The following CNTN5 variants were observed in gnomAD, a reference collection of about 807,000 sequenced individuals.
The protein encoded by CNTN5 is contactin 5, also known as contactin-5.
CNTN5 carries 77 observed loss-of-function variants against 129.1 expected under a neutral mutation model. The observed-to-expected ratio is 0.60, with a 90% CI of 0.50 to 0.72. The LOEUF is 0.72. CNTN5 is among the 30% of genes least tolerant of loss of function. The pLI is 0.00. For missense variants in CNTN5, 1,478 were observed against 1,328.8 expected (o/e 1.11, Z -1.75); for synonymous variants, 509 against 465.6 (o/e 1.09, Z -1.20).
At chr11:99,242,929 A>G (rs546070616) in intron 1 of CNTN5, among the ~76,000 whole-genome samples, 4 of 152,250 alleles carry the variant, frequency 2.6e-5, no homozygotes, top group Admixed American at 2.0e-4. Context: ...TATGGTGGAC[A>G]GTGCTGTGAT....
chr11:99,040,708 T>C (rs12285941), intron 1 of CNTN5, among the ~76,000 whole-genome samples: 11,319 of 152,196 alleles, frequency 0.074, 464 homozygotes, highest in Middle Eastern at 0.088. Context: ...TAAATATTAG[T>C]AGTGTTTCAA....
At chr11:100,162,604 G>C (rs1947494010) in intron 13 of CNTN5, among the ~76,000 whole-genome samples, 1 of 151,634 alleles carries the variant, frequency 6.6e-6, no homozygotes, top group Admixed American at 6.6e-5. Context: ...CACCTTGTTA[G>C]ATATAACTCA....
intron 3 of CNTN5, among the ~76,000 whole-genome samples, chr11:99,781,452 A>T (rs929557963): frequency 6.6e-6 from 1 of 152,114 alleles, no homozygotes; most frequent in African/African-American, 2.4e-5. Flanking sequence ...CTCTCATACT[A>T]AGTGATATAT....
intron 8 of CNTN5, among the ~76,000 whole-genome samples, chr11:100,000,020 G>C (rs901013569): frequency 6.7e-5 from 10 of 149,256 alleles, no homozygotes; most frequent in African/African-American, 1.7e-4. Flanking sequence ...GGTGTGGGGA[G>C]CGGGGAGGGA....
chr11:100,191,105 C>CTGTT, intron 13 of CNTN5, 21 bp from the exon 14 acceptor site: 2 of 1,464,284 alleles, frequency 1.4e-6, no homozygotes, highest in Non-Finnish European at 1.8e-6. Flanking sequence ...GAAAAAAAAA[C>CTGTT]TGTTTTTAAA....
chr11:99,145,459 G>C (rs909449577), intron 1 of CNTN5, among the ~76,000 whole-genome samples: 1 of 151,842 alleles, frequency 6.6e-6, no homozygotes, highest in Non-Finnish European at 1.5e-5. Flanking sequence ...GTGTCATGTA[G>C]TCTACATATA....
At chr11:99,169,926 A>C (rs557463200) in intron 1 of CNTN5, among the ~76,000 whole-genome samples, 1 of 152,296 alleles carries the variant, frequency 6.6e-6, no homozygotes, top group African/African-American at 2.4e-5. Flanking sequence ...TTAAATAATT[A>C]CATAATTTTT....
intron 13 of CNTN5, among the ~76,000 whole-genome samples, chr11:100,133,398 T>G (rs1946432315): frequency 1.3e-5 from 2 of 152,150 alleles, no homozygotes; most frequent in Non-Finnish European, 2.9e-5. Flanking sequence ...CATATTTAAT[T>G]TTTGTTCTCT....
At chr11:99,485,241 T>C (rs1945763291) in intron 2 of CNTN5, among the ~76,000 whole-genome samples, 1 of 97,974 alleles carries the variant, frequency 1.0e-5, no homozygotes, top group East Asian at 2.5e-4. Context: ...CCCAAAATTG[T>C]TTAAAAAAAA....
At chr11:100,284,239 A>G (rs1449948683) in intron 18 of CNTN5, among the ~76,000 whole-genome samples, 1 of 152,164 alleles carries the variant, frequency 6.6e-6, no homozygotes, top group Non-Finnish European at 1.5e-5. Context: ...TGCTCACCTG[A>G]TTTTTGGTTC....
rs186938013 is a variant in CNTN5 at position 100,256,034 on chromosome 11, C to A, written c.2164+116C>A. 159 of 897,178 alleles carry A rather than the reference C, an allele frequency of 1.8e-4. No homozygotes were observed. In the African/African-American group the frequency reaches 1.9e-3, roughly 10 times the overall value. The allele number at this position is 897,178 out of a possible 1,614,324, so 55.6% of individuals were successfully genotyped here. A position where few individuals can be genotyped will look rare whatever the true frequency, so the allele number is the denominator to read the frequency against. On this transcript the variant is annotated intron_variant, in intron 17 of 24. Transcript: ENST00000524871. ...GGATTCTGAAATCTCTTTGTTATTT[C>A]TTACAATATTGACAATTCTTTGCTT... is the stretch of plus-strand genomic sequence containing the variant.
rs74368579 is a variant in CNTN5 at position 99,624,039 on chromosome 11, G to T, written c.55+67770G>T. ...GTATCTCAATATACTAAGAACTAAA[G>T]AAAAGTTAACAGGGAAATTTGATGG... On this transcript the variant is annotated intron_variant, in intron 3 of 24. Transcript: ENST00000524871. Among the ~76,000 whole-genome samples, 788 of 152,208 alleles carry T rather than the reference G, an allele frequency of 5.2e-3. 22 individuals are homozygous for T. The East Asian group carries it at 0.093, about 18-fold the overall frequency.
At chr11:99,564,883 C>G (rs554880981) in intron 3 of CNTN5, among the ~76,000 whole-genome samples, 1 of 152,250 alleles carries the variant, frequency 6.6e-6, no homozygotes, top group Non-Finnish European at 1.5e-5. Context: ...TAAACAAACT[C>G]AACAACAGAA....
At chr11:99,796,514 G>A (rs535314411) in intron 3 of CNTN5, among the ~76,000 whole-genome samples, 16 of 152,188 alleles carry the variant, frequency 1.1e-4, no homozygotes, top group Admixed American at 3.3e-4. Flanking sequence ...GGAGCTGTCC[G>A]ATGGTCAGGT....
At chr11:99,328,996 C>T (rs1468731675) in intron 2 of CNTN5, among the ~76,000 whole-genome samples, 1 of 151,696 alleles carries the variant, frequency 6.6e-6, no homozygotes, top group Non-Finnish European at 1.5e-5. Flanking sequence ...TCTGAGGCTG[C>T]ATGAATTTCT....
At chr11:99,077,520 A>G (rs1436576203) in intron 1 of CNTN5, among the ~76,000 whole-genome samples, 1 of 152,298 alleles carries the variant, frequency 6.6e-6, no homozygotes, top group East Asian at 1.9e-4. Flanking sequence ...TCTTACGGAG[A>G]TAGAAAATGA....
At chr11:100,110,150 G>A (rs893845306) in intron 13 of CNTN5, among the ~76,000 whole-genome samples, 1 of 148,526 alleles carries the variant, frequency 6.7e-6, no homozygotes, top group South Asian at 2.1e-4. Context: ...TGGCGCCACT[G>A]TACTCCATCC....
intron 13 of CNTN5, among the ~76,000 whole-genome samples, chr11:100,141,098 G>A (rs992866741): frequency 1.5e-4 from 23 of 152,126 alleles, no homozygotes; most frequent in Admixed American, 2.6e-4. Context: ...ACAGTATGGT[G>A]ATGACTGAAG....
intron 8 of CNTN5, among the ~76,000 whole-genome samples, chr11:99,976,860 C>A (rs1275198520): frequency 1.3e-5 from 2 of 152,220 alleles, no homozygotes; most frequent in Non-Finnish European, 2.9e-5. Flanking sequence ...CAAATTTCTG[C>A]AGCTGGCTTG....
Sources: allele counts gnomAD v4.1 joint callset (sites outside exome capture counted in the v4.1 genomes callset), GRCh38; gene constraint gnomAD v4.1.1; transcripts MANE v1.5; gene names NCBI Gene and HGNC (gene_info 2026-07-23, HGNC 2026-07-21).